Variants in MAPK10 observed in about 807,000 individuals in gnomAD.
MAPK10 encodes JNK3 alpha protein kinase.
In MAPK10, 25 loss-of-function variants were observed where a neutral mutation model predicts 59.3. That is an observed-to-expected ratio of 0.42 (90% CI 0.31 to 0.59). MAPK10 has a LOEUF of 0.59. MAPK10 is among the 20% of genes least tolerant of loss of function. MAPK10 has a pLI of 0.15. For synonymous variants in MAPK10, 190 were observed against 200.5 expected (o/e 0.95, Z 0.44); for missense variants, 351 against 568.9 (o/e 0.62, Z 3.90).
At chr4:86,226,741 T>C (rs529686650) in intron 2 of MAPK10, among the ~76,000 whole-genome samples, 24 of 152,358 alleles carry the variant, frequency 1.6e-4, no homozygotes, top group Admixed American at 3.3e-4. Flanking sequence ...TGGAATTTCA[T>C]TTCTATTCCA....
intron 1 of MAPK10, among the ~76,000 whole-genome samples, chr4:86,591,116 G>A (rs1763012902): frequency 6.6e-6 from 1 of 151,960 alleles, no homozygotes; most frequent in African/African-American, 2.4e-5. Context: ...TAAAGATGGG[G>A]TCTTGCTATG....
rs542654072 is a variant in MAPK10 at position 86,038,648 on chromosome 4, C to T, written c.1111-7217G>A. 5.9e-5 allele frequency among the ~76,000 whole-genome samples: 9 copies of T among 151,930 alleles called. No homozygotes were observed. In the South Asian group the frequency reaches 1.3e-3, roughly 21 times the overall value. ...TTGGTAAAATGACTCTGATGAAGCA[C>T]AAAATGATATGCACTTTTATTGTTT... On this transcript the variant is annotated intron_variant, in intron 11 of 13. Coordinates refer to ENST00000641462, the MANE Select transcript of MAPK10 (RefSeq NM_138982.4).
intron 2 of MAPK10, among the ~76,000 whole-genome samples, chr4:86,242,712 G>A (rs1270633806): frequency 6.6e-6 from 1 of 152,224 alleles, no homozygotes; most frequent in East Asian, 1.9e-4. Flanking sequence ...CAGGGGAGAA[G>A]CGCAGCTTGG....
intron 1 of MAPK10, among the ~76,000 whole-genome samples, chr4:86,440,582 C>T (rs982881256): frequency 2.7e-5 from 4 of 149,976 alleles, no homozygotes; most frequent in African/African-American, 9.9e-5. Flanking sequence ...GTGAGCTGAT[C>T]ACACCACTGC....
At chr4:86,249,313 C>A (rs945691669) in intron 2 of MAPK10, among the ~76,000 whole-genome samples, 2 of 152,098 alleles carry the variant, frequency 1.3e-5, no homozygotes, top group African/African-American at 4.8e-5. Flanking sequence ...TTATGTAAGG[C>A]CAGTGTCTAT....
intron 1 of MAPK10, among the ~76,000 whole-genome samples, chr4:86,563,987 A>C (rs966767775): frequency 3.9e-5 from 6 of 152,070 alleles, no homozygotes; most frequent in Admixed American, 3.9e-4. Context: ...GCATGCCACC[A>C]CACCCGGCTA....
At chr4:86,210,873 A>G (rs1277655585) in intron 2 of MAPK10, among the ~76,000 whole-genome samples, 3 of 151,736 alleles carry the variant, frequency 2.0e-5, no homozygotes, top group Non-Finnish European at 4.4e-5. Context: ...CAATAAAAAT[A>G]TTAATAAAGA....
At chr4:86,347,562 C>A (rs544026739) in intron 2 of MAPK10, among the ~76,000 whole-genome samples, 1 of 152,130 alleles carries the variant, frequency 6.6e-6, no homozygotes, top group African/African-American at 2.4e-5. Context: ...GTGTCTTAGT[C>A]CATTCAGGCT....
At chr4:86,037,487 T>C (rs1399731909) in intron 11 of MAPK10, among the ~76,000 whole-genome samples, 1 of 151,872 alleles carries the variant, frequency 6.6e-6, no homozygotes. Context: ...ACCACTGCAT[T>C]CCAGCCTGGG....
intron 1 of MAPK10, among the ~76,000 whole-genome samples, chr4:86,487,544 A>C (rs1754100709): frequency 6.6e-6 from 1 of 152,088 alleles, no homozygotes; most frequent in African/African-American, 2.4e-5. Context: ...CCTGGCTAAC[A>C]CAGTGAAACC....
At chr4:86,323,439 G>A (rs1358529886) in intron 2 of MAPK10, among the ~76,000 whole-genome samples, 1 of 152,130 alleles carries the variant, frequency 6.6e-6, no homozygotes, top group Non-Finnish European at 1.5e-5. Context: ...TTTTATGTAG[G>A]TAATCACATT....
chr4:86,493,423 T>C (rs961376874), intron 1 of MAPK10, among the ~76,000 whole-genome samples: 3 of 152,254 alleles, frequency 2.0e-5, no homozygotes, highest in Non-Finnish European at 2.9e-5. Context: ...TCGTATATTC[T>C]AGGTAGTTAT....
intron 1 of MAPK10, among the ~76,000 whole-genome samples, chr4:86,587,495 G>T (rs1762728857): frequency 6.6e-6 from 1 of 152,246 alleles, no homozygotes; most frequent in South Asian, 2.1e-4. Flanking sequence ...CTTAAGCACT[G>T]TCAGAATTTG....
intron 1 of MAPK10, among the ~76,000 whole-genome samples, chr4:86,376,517 T>A (rs1578977088): frequency 6.6e-6 from 1 of 152,192 alleles, no homozygotes; most frequent in African/African-American, 2.4e-5. Flanking sequence ...CACATTTAAG[T>A]TGGTTGTTGA....
intron 1 of MAPK10, among the ~76,000 whole-genome samples, chr4:86,524,014 A>C (rs1240367038): frequency 6.6e-6 from 1 of 152,090 alleles, no homozygotes; most frequent in Non-Finnish European, 1.5e-5. Context: ...GTGAGTTCCC[A>C]TTCCATTAGT....
chr4:86,137,219 C>G (rs2062411802), intron 4 of MAPK10, among the ~76,000 whole-genome samples: 1 of 151,960 alleles, frequency 6.6e-6, no homozygotes. Context: ...CACCCCTAAT[C>G]AACAGAATAT....
At chr4:86,157,988 T>A (rs1293882219) in intron 4 of MAPK10, among the ~76,000 whole-genome samples, 1 of 151,914 alleles carries the variant, frequency 6.6e-6, no homozygotes, top group African/African-American at 2.4e-5. Context: ...CATGTTAATA[T>A]TCTACAATTT....
intron 2 of MAPK10, among the ~76,000 whole-genome samples, chr4:86,335,609 A>G (rs1300667629): frequency 1.3e-5 from 2 of 151,054 alleles, no homozygotes; most frequent in Non-Finnish European, 2.9e-5. Flanking sequence ...ATAGTACTGT[A>G]TTAGTTTTTT....
chr4:86,455,216 T>TACA (rs1243919600), upstream of MAPK10, among the ~76,000 whole-genome samples: 1 of 151,170 alleles, frequency 6.6e-6, no homozygotes, highest in African/African-American at 2.4e-5. Context: ...ACAACAAAAA[T>TACA]ACAACAACAA....
Sources: allele counts gnomAD v4.1 joint callset (sites outside exome capture counted in the v4.1 genomes callset), GRCh38; gene constraint gnomAD v4.1.1; transcripts MANE v1.5; gene names NCBI Gene and HGNC (gene_info 2026-07-23, HGNC 2026-07-21).